Variants in SEC13 observed in about 807,000 individuals in gnomAD.
The protein encoded by SEC13 is SEC13 homolog, nuclear pore and COPII component, also known as protein SEC13 homolog.
A neutral mutation model predicts 49.2 loss-of-function variants in SEC13; 25 were observed. The observed-to-expected ratio is 0.51, with a 90% CI of 0.37 to 0.71. SEC13 has a LOEUF of 0.71. Ranked by LOEUF, SEC13 falls within the 30% of genes least tolerant of loss-of-function variation. The pLI, the probability that SEC13 is intolerant of heterozygous loss-of-function variation, is 0.00. For missense variants in SEC13, 383 were observed against 417.6 expected, an observed-to-expected ratio of 0.92 and a Z score of 0.72; for synonymous variants, 148 against 163.9, an observed-to-expected ratio of 0.90 and a Z score of 0.74.
chr3:10,318,926 C>T (rs1166940172), intron 1 of SEC13, among the ~76,000 whole-genome samples: 1 of 152,226 alleles, frequency 6.6e-6, no homozygotes, highest in Non-Finnish European at 1.5e-5. Flanking sequence ...CTCCTTGGAG[C>T]CATGGTCTGA....
chr3:10,315,512 G>GA (rs1701551582), intron 2 of SEC13, 76 bp from the exon 3 acceptor site: 1 of 770,494 alleles, frequency 1.3e-6, no homozygotes, highest in Non-Finnish European at 2.2e-6. Context: ...TCACTACACA[G>GA]AGTCTAGTTT....
At chr3:10,320,699 C>A (rs920927856) in intron 1 of SEC13, 1 of 1,150,598 alleles carries the variant, frequency 8.7e-7, no homozygotes, top group East Asian at 4.5e-5. Flanking sequence ...ACCTTCTTCA[C>A]AAGGCTGTTA....
At chr3:10,312,932 G>C (rs1348213827) in intron 3 of SEC13, 16 of 544,494 alleles carry the variant, frequency 2.9e-5, no homozygotes, top group Non-Finnish European at 4.2e-5. Context: ...AGCAACCTAA[G>C]GTCACAGAGC....
chr3:10,305,591 T>A lies in SEC13; in HGVS notation c.552A>T (p.Ser184=). Reference sequence around the variant, plus strand: ...GCTTGATGAGGTTGTCACAGCCACCTGATGCAAACCTCTTGATGTAATTGG... The same window carrying A: ...GCTTGATGAGGTTGTCACAGCCACCAGATGCAAACCTCTTGATGTAATTGG... ...QKPNYIKRFA[S]GGCDNLIKLW... is the part of the protein sequence containing the mutation. The change falls in exon 6 of 9, where the codon TCA becomes TCT. Residue 184 remains serine (S), a synonymous_variant. Transcript: ENST00000350697. 1 of 1,614,184 alleles carries A rather than the reference T, an allele frequency of 6.2e-7. No homozygotes were observed. The highest frequency in any genetic ancestry group is 8.5e-7 in the Non-Finnish European group (1 of 1,180,030).
intron 2 of SEC13, among the ~76,000 whole-genome samples, chr3:10,315,831 G>C (rs1050443371): frequency 1.3e-5 from 2 of 152,208 alleles, no homozygotes; most frequent in African/African-American, 4.8e-5. Flanking sequence ...GTTCAGCTCA[G>C]CCCTAGCACC....
Position 10,301,129 on chromosome 3 carries a change from G to A in SEC13, c.*132C>T, listed in dbSNP as rs375576203. 2.5e-6 allele frequency: 4 copies of A among 1,613,644 alleles called. No homozygotes were observed. In the African/African-American group the frequency reaches 4.0e-5, roughly 16 times the overall value. ...CGTTAAGGCAGATGATCAATCTGTG[G>A]CTGCATCTGTAACTCCTCCTGGGAA... On this transcript the variant is annotated 3_prime_UTR_variant, in exon 9 of 9. Coordinates refer to ENST00000350697, the MANE Select transcript of SEC13 (RefSeq NM_183352.3).
intron 2 of SEC13, among the ~76,000 whole-genome samples, chr3:10,316,627 T>TATA (rs1701623124): frequency 6.6e-6 from 1 of 152,226 alleles, no homozygotes; most frequent in African/African-American, 2.4e-5. Context: ...TTATCTTTAT[T>TATA]ATTTACCAAC....
rs763179937 is a variant in SEC13 at position 10,301,094 on chromosome 3, T to C, written c.*167A>G. The C allele has an allele frequency of 7.4e-6, 12 of 1,612,698 alleles. No homozygotes were observed. The highest frequency in any genetic ancestry group is 8.5e-6 in the Non-Finnish European group (10 of 1,179,852). Reference sequence around the variant, plus strand: ...CAGCTGGACAGTAGATTACAAAGCATCTCCGATCACGTTAAGGCAGATGAT... The same window carrying C: ...CAGCTGGACAGTAGATTACAAAGCACCTCCGATCACGTTAAGGCAGATGAT... On this transcript the variant is annotated 3_prime_UTR_variant, in exon 9 of 9. Coordinates refer to ENST00000350697, the MANE Select transcript of SEC13 (RefSeq NM_183352.3).
chr3:10,319,249 G>C, intron 1 of SEC13: 1 of 1,612,198 alleles, frequency 6.2e-7, no homozygotes, highest in Non-Finnish European at 8.5e-7. Context: ...AGTTCAAGAG[G>C]TACACACCAA....
chr3:10,306,807 A>G (rs1474806579), intron 5 of SEC13, among the ~76,000 whole-genome samples: 2 of 152,166 alleles, frequency 1.3e-5, no homozygotes, highest in Non-Finnish European at 2.9e-5. Flanking sequence ...CCATCCACGT[A>G]AGCTGTGACT....
chr3:10,313,950 GT>G (rs1303440771), intron 3 of SEC13: 1 of 153,540 alleles, frequency 6.5e-6, no homozygotes, highest in Non-Finnish European at 1.5e-5. Context: ...CACTGACTTA[GT>G]TTATGCTTTT....
chr3:10,320,499 C>A, intron 1 of SEC13: 1 of 985,392 alleles, frequency 1.0e-6, no homozygotes, highest in Non-Finnish European at 1.2e-6. Context: ...TCCCGAGGTG[C>A]CCATCCTACC....
chr3:10,301,253 C>T lies in SEC13; in HGVS notation c.*8G>A. ...TGGCGGGTGGGGAGCCAGGCCCCAC[C>T]TGTCTTGTCACTGCTCGTTCTGCTG... On this transcript the variant is annotated 3_prime_UTR_variant, in exon 9 of 9. Transcript: ENST00000350697. The T allele has an allele frequency of 1.9e-6, 3 of 1,614,206 alleles. No homozygotes were observed. Among genetic ancestry groups the T allele is most frequent in the Non-Finnish European group, 2.5e-6 (3 of 1,180,038 alleles).
At chr3:10,317,317 A>C (rs1701668526) in intron 2 of SEC13, among the ~76,000 whole-genome samples, 1 of 152,228 alleles carries the variant, frequency 6.6e-6, no homozygotes, top group African/African-American at 2.4e-5. Context: ...ACAACCTCTC[A>C]GAAACCCAAA....
intron 3 of SEC13, chr3:10,313,434 T>C (rs745436691): frequency 1.9e-6 from 1 of 531,070 alleles, no homozygotes; most frequent in South Asian, 1.4e-5. Flanking sequence ...CTTTGTCTCT[T>C]TACCTGAAAA....
At chr3:10,305,795 G>T (rs1574866845) in intron 5 of SEC13, 103 bp from the exon 6 acceptor site, 1 of 1,280,920 alleles carries the variant, frequency 7.8e-7, no homozygotes, top group Non-Finnish European at 1.1e-6. Flanking sequence ...GGACTGGAGT[G>T]TGTGTGAAGG....
rs1338667553 is a variant in SEC13, at chr3:10,315,349, C to T, written c.136G>A (p.Gly46Arg). 2.5e-6 allele frequency: 4 copies of T among 1,613,970 alleles called. No homozygotes were observed. Among genetic ancestry groups the T allele is most frequent in the African/African-American group, 1.3e-5 (1 of 75,012 alleles). Residue 46 changes from glycine (G) to arginine (R), a missense_variant, in exon 3 of 9, where the codon GGG (glycine) becomes AGG (arginine). Coordinates refer to ENST00000350697, the MANE Select transcript of SEC13 (RefSeq NM_183352.3). ...CTGAGGTCGGCGATAAGGATCTGCC[C>T]TCCATTGCGCACATCAAAGATTTTG... Reference protein sequence around the residue: ...SVKIFDVRNGGQILIADLRGH... With the variant: ...SVKIFDVRNGRQILIADLRGH...
intron 8 of SEC13, among the ~76,000 whole-genome samples, chr3:10,303,291 G>A (rs1700656739): frequency 6.6e-6 from 1 of 152,234 alleles, no homozygotes; most frequent in South Asian, 2.1e-4. Context: ...GCCTGAAAAC[G>A]CAGCACAGCC....
chr3:10,317,100 T>TCAAAC (rs1470496194), intron 2 of SEC13, among the ~76,000 whole-genome samples: 1 of 152,100 alleles, frequency 6.6e-6, no homozygotes, highest in Non-Finnish European at 1.5e-5. Flanking sequence ...CATCTAGTTC[T>TCAAAC]CAAACCAAAC....
Sources: gnomAD v4.1 joint callset for allele counts (sites outside exome capture counted in the v4.1 genomes callset) on GRCh38, gnomAD v4.1.1 for gene constraint, MANE v1.5 for transcripts, NCBI Gene and HGNC (gene_info 2026-07-23, HGNC 2026-07-21) for gene names.